The following FLNB variants were observed in gnomAD, a reference collection of about 807,000 sequenced individuals.
FLNB encodes filamin-B.
FLNB carries 111 observed loss-of-function variants against 250.6 expected under a neutral mutation model. The ratio of observed to expected loss-of-function variants is 0.44; its 90% CI spans 0.38 to 0.52. The LOEUF is 0.52. Among genes scored for constraint, FLNB ranks in the 20% least tolerant of loss-of-function variants. The pLI is 0.00. For synonymous variants in FLNB, 1,302 were observed against 1,372.1 expected (o/e 0.95, Z 1.13); for missense variants, 2,869 against 3,447.8 (o/e 0.83, Z 4.20).
intron 4 of FLNB, among the ~76,000 whole-genome samples, chr3:58,084,687 G>T (rs749868746): frequency 1.3e-5 from 2 of 151,874 alleles, no homozygotes; most frequent in Non-Finnish European, 2.9e-5. Flanking sequence ...TTGTGCAACC[G>T]CCACTGCTAT....
In FLNB at chr3:58,154,830, G is replaced by A; in HGVS notation, c.6674G>A (p.Gly2225Asp). 1.9e-6 allele frequency: 3 copies of A among 1,613,660 alleles called. No individual in the cohort carries two copies. The highest frequency in any genetic ancestry group is 2.5e-6 in the Non-Finnish European group (3 of 1,179,604). ...TGGACCCGGGAAGCAGGCGCTGGAG[G>A]CCTCTCCATCGCTGTTGAGGGCCCC... ...SIWTREAGAGGLSIAVEGPSK... is the reference protein window; with the variant it reads ...SIWTREAGAGDLSIAVEGPSK... The change falls in exon 40 of 46, where the codon GGC (glycine) becomes GAC (aspartate). Residue 2225 changes from glycine (G) to aspartate (D), a missense_variant. By Grantham distance (94) the Gly-to-Asp change is moderately conservative (BLOSUM62 -1). Transcript: ENST00000295956.
chr3:58,031,543 C>CGTT (rs1553682650), intron 1 of FLNB, among the ~76,000 whole-genome samples: 3 of 77,144 alleles, frequency 3.9e-5, no homozygotes, highest in African/African-American at 1.7e-4. Flanking sequence ...CGTGCCCTGC[C>CGTT]TTTTTTTTTT....
intron 20 of FLNB, among the ~76,000 whole-genome samples, chr3:58,122,496 C>CAAA (rs11320902): frequency 1.5e-5 from 2 of 130,846 alleles, no homozygotes; most frequent in Admixed American, 7.5e-5. Flanking sequence ...CCGTCCCCTC[C>CAAA]AAAAAAAAAA....
chr3:58,037,750 G>C (rs1439570695), intron 1 of FLNB, among the ~76,000 whole-genome samples: 1 of 152,060 alleles, frequency 6.6e-6, no homozygotes, highest in Non-Finnish European at 1.5e-5. Flanking sequence ...CCTACTCCAG[G>C]TGCCAGTATT....
At chr3:58,143,870 G>A (rs774035497) in intron 32 of FLNB, among the ~76,000 whole-genome samples, 9 of 152,228 alleles carry the variant, frequency 5.9e-5, no homozygotes, top group Admixed American at 5.2e-4. Context: ...TCACTACGCT[G>A]AGTGTGGCCA....
intron 1 of FLNB, among the ~76,000 whole-genome samples, chr3:58,044,003 G>C (rs1448935005): frequency 6.6e-6 from 1 of 152,170 alleles, no homozygotes; most frequent in Non-Finnish European, 1.5e-5. Context: ...CTCTGTAGAG[G>C]AGTCCTGCTA....
At chr3:58,111,688 C>T (rs771156868) in intron 16 of FLNB, 103 bp from the exon 17 acceptor site, 17 of 840,744 alleles carry the variant, frequency 2.0e-5, no homozygotes, top group Admixed American at 5.8e-5. Context: ...GCTCACCACT[C>T]GCTAAGTCAG....
intron 4 of FLNB, among the ~76,000 whole-genome samples, chr3:58,090,044 C>T (rs769827945): frequency 7.9e-5 from 12 of 152,172 alleles, no homozygotes; most frequent in Non-Finnish European, 1.8e-4. Flanking sequence ...CGGTAATCCA[C>T]CTTAGGTGAT....
chr3:58,096,242 G>A (rs1465224525), intron 6 of FLNB, 24 bp downstream of exon 6: 3 of 1,560,582 alleles, frequency 1.9e-6, no homozygotes, highest in East Asian at 4.5e-5. Flanking sequence ...GCATGGCTGT[G>A]GCTTGGGCTG....
At chr3:58,145,824 G>C (rs2097334959) in intron 32 of FLNB, 97 bp from the exon 33 acceptor site, 45 of 1,503,618 alleles carry the variant, frequency 3.0e-5, no homozygotes, top group Non-Finnish European at 3.7e-5. Flanking sequence ...GGAGGCGCCA[G>C]ACCTGTAGAG....
rs190518102 is a variant in FLNB at position 58,061,821 on chromosome 3, G to A, written c.293-15225G>A. ...TAAATTTTTGGGGGGGCTGGGTGTGGTGGCTCATGCCTGTAATCCCAGCAC... is the reference window on the plus strand; with the variant it reads ...TAAATTTTTGGGGGGGCTGGGTGTGATGGCTCATGCCTGTAATCCCAGCAC... On this transcript the variant is annotated intron_variant, in intron 1 of 45. Coordinates refer to ENST00000295956, the MANE Select transcript of FLNB (RefSeq NM_001457.4). Among the ~76,000 whole-genome samples, 747 of 152,054 alleles carry A rather than the reference G, an allele frequency of 4.9e-3. 4 individuals carry two copies. The highest frequency in any genetic ancestry group is 0.017 in the African/African-American group (719 of 41,478).
At chr3:58,113,394 G>A (rs2097272382) in intron 18 of FLNB, among the ~76,000 whole-genome samples, 1 of 152,250 alleles carries the variant, frequency 6.6e-6, no homozygotes, top group African/African-American at 2.4e-5. Context: ...AACGCTTTCT[G>A]CAGAAGCACT....
At chr3:58,100,602 T>TG (rs2097249327) in intron 8 of FLNB, among the ~76,000 whole-genome samples, 1 of 135,892 alleles carries the variant, frequency 7.4e-6, no homozygotes, top group African/African-American at 3.0e-5. Flanking sequence ...TTTTTTTTTG[T>TG]TTTGTTTTGT....
chr3:58,022,732 T>C (rs1253250838), intron 1 of FLNB, among the ~76,000 whole-genome samples: 1 of 152,170 alleles, frequency 6.6e-6, no homozygotes, highest in Non-Finnish European at 1.5e-5. Flanking sequence ...GTGTGGTTAT[T>C]ACTCAGATTC....
At chr3:58,040,696 C>T (rs1264676936) in intron 1 of FLNB, among the ~76,000 whole-genome samples, 6 of 152,012 alleles carry the variant, frequency 3.9e-5, no homozygotes, top group East Asian at 1.9e-4. Context: ...GGTTTCACCA[C>T]GTTGGCCAGG....
chr3:58,077,333 G>C (rs762274589), intron 2 of FLNB, 39 bp downstream of exon 2: 28 of 1,606,184 alleles, frequency 1.7e-5, no homozygotes, highest in Non-Finnish European at 2.3e-5. Flanking sequence ...TGTCCAGGAT[G>C]GGGGTGTGTG....
chr3:58,041,694 C>A (rs2097146227), intron 1 of FLNB, among the ~76,000 whole-genome samples: 1 of 152,198 alleles, frequency 6.6e-6, no homozygotes, highest in South Asian at 2.1e-4. Context: ...GTAGCCTTGA[C>A]CCAGGGTAAA....
chr3:58,011,299 G>C (rs554197006), intron 1 of FLNB, among the ~76,000 whole-genome samples: 34 of 152,210 alleles, frequency 2.2e-4, no homozygotes, highest in African/African-American at 7.2e-4. Context: ...CCCTTCCTCT[G>C]TGCTGGGCCT....
chr3:58,012,331 T>G (rs1344686602), intron 1 of FLNB, among the ~76,000 whole-genome samples: 1 of 151,818 alleles, frequency 6.6e-6, no homozygotes, highest in Non-Finnish European at 1.5e-5. Flanking sequence ...CTTGCCATGG[T>G]TAGTATTATT....
Sources: gnomAD v4.1 joint callset for allele counts (sites outside exome capture counted in the v4.1 genomes callset) on GRCh38, gnomAD v4.1.1 for gene constraint, MANE v1.5 for transcripts, NCBI Gene and HGNC (gene_info 2026-07-23, HGNC 2026-07-21) for gene names.